SOS1: variants seen among roughly 807,000 people sequenced by gnomAD.
SOS1 encodes SOS Ras/Rac guanine nucleotide exchange factor 1.
A neutral mutation model predicts 157.6 loss-of-function variants in SOS1; 25 were observed. That is an observed-to-expected ratio of 0.16 (90% CI 0.12 to 0.22). The LOEUF is 0.22. Among genes scored for constraint, SOS1 ranks in the 10% least tolerant of loss-of-function variants. The pLI is 1.00. For synonymous variants in SOS1, 528 were observed against 534.0 expected (o/e 0.99, Z 0.16); for missense variants, 1,237 against 1,599.1 (o/e 0.77, Z 3.86).
intron 5 of SOS1, among the ~76,000 whole-genome samples, chr2:39,053,990 C>G (rs1388407690): frequency 1.3e-5 from 2 of 151,706 alleles, no homozygotes; most frequent in Admixed American, 6.6e-5. Context: ...TGCAGTGGCG[C>G]GATCTCGGCT....
intron 1 of SOS1, among the ~76,000 whole-genome samples, chr2:39,107,451 C>T (rs1216747616): frequency 6.6e-6 from 1 of 152,106 alleles, no homozygotes; most frequent in East Asian, 1.9e-4. Context: ...AAGACACTTT[C>T]ACTCAAAGTT....
At chr2:39,051,088 T>C in intron 6 of SOS1, 56 bp downstream of exon 6, 1 of 1,520,528 alleles carries the variant, frequency 6.6e-7, no homozygotes, top group Non-Finnish European at 9.1e-7. Context: ...CTCTCAATTT[T>C]AATGTAAATG....
chr2:39,026,690 T>C (rs1020046449), intron 8 of SOS1, among the ~76,000 whole-genome samples: 6 of 152,162 alleles, frequency 3.9e-5, no homozygotes, highest in African/African-American at 1.2e-4. Context: ...GGGAGACAAA[T>C]AAAATGTTAC....
At chr2:39,116,680 G>C (rs2148235736) in intron 1 of SOS1, among the ~76,000 whole-genome samples, 1 of 152,282 alleles carries the variant, frequency 6.6e-6, no homozygotes, top group Non-Finnish European at 1.5e-5. Context: ...GACCAGCCTG[G>C]TGAAACCCCA....
At chr2:39,040,432 G>GAACT (rs2124573708) in intron 6 of SOS1, among the ~76,000 whole-genome samples, 1 of 152,070 alleles carries the variant, frequency 6.6e-6, no homozygotes, top group East Asian at 1.9e-4. Context: ...TTCCAGATCT[G>GAACT]AACTATTCTA....
At chr2:39,007,224 T>C (rs776121333) in intron 15 of SOS1, 31 bp from the exon 16 acceptor site, 2 of 1,368,990 alleles carry the variant, frequency 1.5e-6, no homozygotes, top group Non-Finnish European at 2.1e-6. Flanking sequence ...AACTAAAGGT[T>C]TTAGAGTTTT....
At chr2:39,026,411 AGGG>A (rs1290566698) in intron 8 of SOS1, among the ~76,000 whole-genome samples, 1 of 152,112 alleles carries the variant, frequency 6.6e-6, no homozygotes, top group African/African-American at 2.4e-5. Flanking sequence ...CAACATAAAA[AGGG>A]TAACGAAAGA....
At chr2:39,086,688 T>C (rs1197637512) in intron 1 of SOS1, among the ~76,000 whole-genome samples, 1 of 152,318 alleles carries the variant, frequency 6.6e-6, no homozygotes, top group East Asian at 1.9e-4. Flanking sequence ...AAACGGCTTT[T>C]CCCCACATCT....
chr2:39,040,275 T>C (rs758881795), intron 6 of SOS1, among the ~76,000 whole-genome samples: 4 of 152,138 alleles, frequency 2.6e-5, no homozygotes, highest in African/African-American at 7.2e-5. Flanking sequence ...CCTTGGCCTC[T>C]CAAAGTGCTG....
rs530087122 is a variant in SOS1 at position 39,117,028 on chromosome 2, CTT to C, written c.87+3306_87+3307del. On this transcript the variant is annotated intron_variant, in intron 1 of 22. Coordinates refer to ENST00000402219, the MANE Select transcript of SOS1 (RefSeq NM_005633.4). ...TAGTCTTTTCTGATTATGTCATTTA[CTT>C]TTTTTTTTTTTTTTTGAGACAGAGT... Among the ~76,000 whole-genome samples the C allele has an allele frequency of 4.9e-3, 681 of 138,522 alleles. 4 individuals carry two copies. Among genetic ancestry groups the C allele is most frequent in the African/African-American group, 0.016 (621 of 38,022 alleles). 90.9% of individuals were successfully genotyped at this position (138,522 alleles called of 152,430 possible).
At chr2:39,001,793 C>G (rs1357668849) in intron 17 of SOS1, among the ~76,000 whole-genome samples, 1 of 152,136 alleles carries the variant, frequency 6.6e-6, no homozygotes, top group Non-Finnish European at 1.5e-5. Flanking sequence ...CAAAACTGAC[C>G]AGGGTCAGTT....
chr2:39,113,940 T>C (rs532369973), intron 1 of SOS1, among the ~76,000 whole-genome samples: 1 of 150,194 alleles, frequency 6.7e-6, no homozygotes, highest in African/African-American at 2.4e-5. Context: ...CTTGCTATTC[T>C]TACTTTTCCC....
intron 1 of SOS1, among the ~76,000 whole-genome samples, chr2:39,118,891 C>T (rs557358135): frequency 8.9e-4 from 136 of 152,210 alleles, no homozygotes; most frequent in Non-Finnish European, 1.4e-3. Context: ...CTACAATATT[C>T]TTTCCACTGC....
intron 1 of SOS1, among the ~76,000 whole-genome samples, chr2:39,089,137 C>A (rs1672487398): frequency 6.6e-6 from 1 of 152,128 alleles, no homozygotes; most frequent in East Asian, 1.9e-4. Flanking sequence ...GTTAAGAGAT[C>A]ATATTCTTCA....
intron 2 of SOS1, among the ~76,000 whole-genome samples, chr2:39,060,992 G>T (rs948700386): frequency 2.0e-5 from 3 of 151,532 alleles, no homozygotes; most frequent in East Asian, 3.9e-4. Flanking sequence ...GGCAGGGGTT[G>T]AGGTAGAAGA....
chr2:39,023,700 A>G (rs1251570389), intron 9 of SOS1: 1 of 317,186 alleles, frequency 3.2e-6, no homozygotes, highest in Non-Finnish European at 5.8e-6. Flanking sequence ...AAGGACACTA[A>G]TAATTTTACT....
intron 6 of SOS1, among the ~76,000 whole-genome samples, chr2:39,036,907 G>C (rs1020129244): frequency 1.3e-5 from 2 of 149,896 alleles, no homozygotes; most frequent in African/African-American, 5.1e-5. Flanking sequence ...CTGGACTCAA[G>C]TGATCCTCCT....
Position 38,983,706 on chromosome 2 carries a change from A to T in SOS1, c.*2118T>A, listed in dbSNP as rs1436519446. On this transcript the variant is annotated 3_prime_UTR_variant, in exon 23 of 23. Transcript: ENST00000402219. ...GTAATCCATGAGACATAAAAAGAGA[A>T]ATCTTAGGGACAATGAGGCTGGCCC... The T allele has an allele frequency of 2.6e-5, 4 of 152,176 alleles. No individual in the cohort carries two copies. In the East Asian group the frequency reaches 7.7e-4, roughly 29 times the overall value. The allele number at this position is 152,176 out of a possible 1,614,324, so 9.4% of individuals were successfully genotyped here. A position where few individuals can be genotyped will look rare whatever the true frequency, so the allele number is the denominator to read the frequency against.
intron 1 of SOS1, among the ~76,000 whole-genome samples, chr2:39,110,026 TTGTGTGTGTGTGCGTG>T (rs1168991335): frequency 6.7e-5 from 9 of 134,154 alleles, no homozygotes; most frequent in East Asian, 2.3e-4. Context: ...ACAGATACAG[TTGTGTGTGTGTGCGTG>T]TGTGTGTGTG....
Sources: gnomAD v4.1 joint callset for allele counts (sites outside exome capture counted in the v4.1 genomes callset) on GRCh38, gnomAD v4.1.1 for gene constraint, MANE v1.5 for transcripts, NCBI Gene and HGNC (gene_info 2026-07-23, HGNC 2026-07-21) for gene names.